KIRREL3: variants seen among roughly 807,000 people sequenced by gnomAD.
KIRREL3 encodes the protein kin of IRRE-like protein 3.
KIRREL3 carries 36 observed loss-of-function variants against 89.7 expected under a neutral mutation model. That is an observed-to-expected ratio of 0.40 (90% CI 0.31 to 0.53). The LOEUF (loss-of-function observed/expected upper bound fraction) is 0.53. Ranked by LOEUF, KIRREL3 falls within the 20% of genes least tolerant of loss-of-function variation. The pLI is 0.49. For missense variants in KIRREL3, 864 were observed against 1,056.6 expected, an observed-to-expected ratio of 0.82 and a Z score of 2.53; for synonymous variants, 445 against 441.4, an observed-to-expected ratio of 1.01 and a Z score of -0.10.
At chr11:126,975,073 G>C (rs1450990100) in intron 1 of KIRREL3, among the ~76,000 whole-genome samples, 1 of 152,036 alleles carries the variant, frequency 6.6e-6, no homozygotes, top group African/African-American at 2.4e-5. Flanking sequence ...TGTCTCCGAA[G>C]TGCTGGGATT....
rs933128927 is a variant in KIRREL3 at position 126,501,262 on chromosome 11, G to T, written c.433+20053C>A. 7.9e-5 allele frequency among the ~76,000 whole-genome samples: 12 copies of T among 152,236 alleles called. No homozygotes were observed. The highest frequency in any genetic ancestry group is 1.9e-4 in the African/African-American group (8 of 41,462). On this transcript the variant is annotated intron_variant, in intron 4 of 16. Transcript: ENST00000525144. The surrounding 1 kb of genome is among the most constrained non-coding windows in gnomAD (Gnocchi z 5.8). ...TGAACCCAGGCAAACCCAGGAGTCAGCCTGGCTCTGGCCCTAGCTTGAACG... is the reference window on the plus strand; with the variant it reads ...TGAACCCAGGCAAACCCAGGAGTCATCCTGGCTCTGGCCCTAGCTTGAACG...
intron 1 of KIRREL3, among the ~76,000 whole-genome samples, chr11:126,967,895 C>T (rs1949319031): frequency 6.6e-6 from 1 of 152,052 alleles, no homozygotes; most frequent in Non-Finnish European, 1.5e-5. Context: ...CAAAGAATTA[C>T]CCTGCCCAAA....
intron 1 of KIRREL3, among the ~76,000 whole-genome samples, chr11:126,777,949 G>A (rs771927512): frequency 5.3e-5 from 8 of 151,544 alleles, no homozygotes; most frequent in Non-Finnish European, 1.0e-4. Context: ...GAAGCAATAG[G>A]AAGGAGCAGA....
intron 1 of KIRREL3, among the ~76,000 whole-genome samples, chr11:126,675,063 G>C (rs1025763205): frequency 6.6e-6 from 1 of 152,222 alleles, no homozygotes; most frequent in Admixed American, 6.5e-5. Flanking sequence ...TCACCTTGGA[G>C]CTTGTTGCCT....
chr11:126,894,312 T>C (rs1592298661), intron 1 of KIRREL3, among the ~76,000 whole-genome samples: 1 of 151,756 alleles, frequency 6.6e-6, no homozygotes, highest in South Asian at 2.1e-4. Context: ...GGTGTAGGGG[T>C]GTCGTGGTGA....
intron 1 of KIRREL3, among the ~76,000 whole-genome samples, chr11:126,794,031 G>A (rs1950727818): frequency 6.6e-6 from 1 of 152,116 alleles, no homozygotes; most frequent in African/African-American, 2.4e-5. Flanking sequence ...GAGAGAGCAG[G>A]GCTGGATTAA....
chr11:126,707,502 A>G (rs943463858), intron 1 of KIRREL3, among the ~76,000 whole-genome samples: 6 of 152,038 alleles, frequency 3.9e-5, no homozygotes, highest in African/African-American at 1.4e-4. Flanking sequence ...CTGCCCAGGT[A>G]TATATTTGGG....
At chr11:126,573,867 T>A (rs1941107825) in intron 1 of KIRREL3, among the ~76,000 whole-genome samples, 1 of 152,010 alleles carries the variant, frequency 6.6e-6, no homozygotes, top group Non-Finnish European at 1.5e-5. Context: ...GGGGGACCTC[T>A]TGCTGGGGGG....
rs111925579 is a variant in KIRREL3 at position 126,647,953 on chromosome 11, G to A, written c.56-85041C>T. 0.018 allele frequency among the ~76,000 whole-genome samples: 2,790 copies of A among 152,210 alleles called. 81 individuals carry two copies. Among genetic ancestry groups the A allele is most frequent in the African/African-American group, 0.062 (2,578 of 41,526 alleles). ...TCCTTTTGCTTGCTTATACAGTTTG[G>A]ATTTGTGTCCCCACCCAAATGTCAT... On this transcript the variant is annotated intron_variant, in intron 1 of 16. Transcript: ENST00000525144. This position sits in a 1 kb window ranked among gnomAD's most constrained non-coding sequence, Gnocchi z 4.9.
chr11:126,585,736 C>T (rs1941806934), intron 1 of KIRREL3, among the ~76,000 whole-genome samples: 1 of 152,224 alleles, frequency 6.6e-6, no homozygotes, highest in South Asian at 2.1e-4. Flanking sequence ...TAGCACTCTA[C>T]GCCGGTGTCT....
chr11:126,509,496 C>T (rs1958128878), intron 4 of KIRREL3, among the ~76,000 whole-genome samples: 2 of 152,316 alleles, frequency 1.3e-5, no homozygotes, highest in South Asian at 2.1e-4. Flanking sequence ...TTAGGAAGAA[C>T]ATATCAGGTT....
rs1003030265 is a variant in KIRREL3, at chr11:126,428,451, T to G, written c.1806+728A>C. 2.6e-5 allele frequency among the ~76,000 whole-genome samples: 4 copies of G among 152,142 alleles called. No individual in the cohort carries two copies. The highest frequency in any genetic ancestry group is 4.4e-5 in the Non-Finnish European group (3 of 67,988). On this transcript the variant is annotated intron_variant, in intron 15 of 16. Coordinates refer to ENST00000525144, the MANE Select transcript of KIRREL3 (RefSeq NM_032531.4). This position sits in a 1 kb window ranked among gnomAD's most constrained non-coding sequence, Gnocchi z 6.4. ...AATCCAGTCCCCAAGGAGGAACCTG[T>G]GTTTCTTGCAGACTGTTTTGGTGGG...
At chr11:126,886,636 C>G (rs565549674) in intron 1 of KIRREL3, among the ~76,000 whole-genome samples, 2 of 152,286 alleles carry the variant, frequency 1.3e-5, no homozygotes, top group East Asian at 1.9e-4. Context: ...GCTGGGTCCT[C>G]TGAAGTTTTC....
intron 1 of KIRREL3, among the ~76,000 whole-genome samples, chr11:126,899,169 C>CTATA (rs145812391): frequency 1.7e-4 from 25 of 150,510 alleles, no homozygotes; most frequent in Admixed American, 2.7e-4. Flanking sequence ...GGGAGATTTC[C>CTATA]TATATATATA....
chr11:126,964,164 G>A (rs1475667622), intron 1 of KIRREL3, among the ~76,000 whole-genome samples: 1 of 152,172 alleles, frequency 6.6e-6, no homozygotes, highest in Non-Finnish European at 1.5e-5. Context: ...AATATTCAAT[G>A]AACAGCTATT....
Position 126,891,460 on chromosome 11 carries a change from T to A in KIRREL3, c.55+108995A>T, listed in dbSNP as rs1333996305. Among the ~76,000 whole-genome samples, 1 of 152,226 alleles carries A rather than the reference T, an allele frequency of 6.6e-6. No individual in the cohort carries two copies. The highest frequency in any genetic ancestry group is 2.4e-5 in the African/African-American group (1 of 41,454). On this transcript the variant is annotated intron_variant, in intron 1 of 16. Coordinates refer to ENST00000525144, the MANE Select transcript of KIRREL3 (RefSeq NM_032531.4). This position sits in a 1 kb window ranked among gnomAD's most constrained non-coding sequence, Gnocchi z 5.1. ...GAAGAGGAGGCAAGAGGTGAGCCCA[T>A]GTCCTACTAAATGCCTGCAAAGTGG... is the stretch of plus-strand genomic sequence containing the variant.
At chr11:126,538,151 C>T (rs1232037559) in intron 2 of KIRREL3, among the ~76,000 whole-genome samples, 1 of 152,230 alleles carries the variant, frequency 6.6e-6, no homozygotes, top group Non-Finnish European at 1.5e-5. Flanking sequence ...GTGAGCCCTC[C>T]CATTGGCTTT....
chr11:126,529,782 T>C (rs1182942008), intron 2 of KIRREL3, among the ~76,000 whole-genome samples: 1 of 151,948 alleles, frequency 6.6e-6, no homozygotes, highest in Non-Finnish European at 1.5e-5. Flanking sequence ...ATTGACAATG[T>C]CCCTTTTCAG....
chr11:126,730,729 ACTTTT>A (rs1948584333), intron 1 of KIRREL3, among the ~76,000 whole-genome samples: 1 of 152,032 alleles, frequency 6.6e-6, no homozygotes, highest in African/African-American at 2.4e-5. Flanking sequence ...AACATGCAAT[ACTTTT>A]CTTTTTCTTT....
Sources: allele counts gnomAD v4.1 joint callset (sites outside exome capture counted in the v4.1 genomes callset), GRCh38; gene constraint gnomAD v4.1.1; non-coding constraint Gnocchi (gnomAD v3.1); transcripts MANE v1.5; gene names NCBI Gene and HGNC (gene_info 2026-07-23, HGNC 2026-07-21).